The following RAB3GAP2 variants were observed in gnomAD, a reference collection of about 807,000 sequenced individuals.
The protein encoded by RAB3GAP2 is RAB3 GTPase activating non-catalytic protein subunit 2, also known as rab3 GTPase-activating protein non-catalytic subunit.
Under a neutral mutation model 185.3 loss-of-function variants are expected in RAB3GAP2, and 87 were observed. That is an observed-to-expected ratio of 0.47 (90% CI 0.39 to 0.56). The LOEUF is 0.56. Among genes scored for constraint, RAB3GAP2 ranks in the 20% least tolerant of loss-of-function variants. The pLI is 0.00. For synonymous variants in RAB3GAP2, 554 were observed against 576.1 expected (o/e 0.96, Z 0.55); for missense variants, 1,492 against 1,638.2 (o/e 0.91, Z 1.54).
chr1:220,244,311 C>G (rs555678783), intron 1 of RAB3GAP2, among the ~76,000 whole-genome samples: 1 of 151,850 alleles, frequency 6.6e-6, no homozygotes, highest in Admixed American at 6.6e-5. Flanking sequence ...TTACAACAGC[C>G]GCAAAAAAAT....
chr1:220,268,764 A>T (rs1026268013), intron 1 of RAB3GAP2, among the ~76,000 whole-genome samples: 6 of 152,222 alleles, frequency 3.9e-5, no homozygotes, highest in African/African-American at 1.4e-4. Context: ...ATAAATCTAT[A>T]GGTATAGTGC....
rs751306133 is a variant in RAB3GAP2 at position 220,210,374 on chromosome 1, A to G, written c.612+14T>C. ...ATGCCACTGTTACTGTTGGAACACAATTTTTTACACTACCTGCTCAGTCAC... is the reference window on the plus strand; with the variant it reads ...ATGCCACTGTTACTGTTGGAACACAGTTTTTTACACTACCTGCTCAGTCAC... On this transcript the variant is annotated intron_variant, in intron 7 of 34. Transcript: ENST00000358951. 6 of 1,607,890 alleles carry G rather than the reference A, an allele frequency of 3.7e-6. No homozygotes were observed. Among genetic ancestry groups the G allele is most frequent in the East Asian group, 2.2e-5 (1 of 44,846 alleles).
Position 220,150,710 on chromosome 1 carries a change from G to C in RAB3GAP2, c.*541C>G, listed in dbSNP as rs995643409. The C allele has an allele frequency of 6.4e-6, 1 of 155,366 alleles. No individual in the cohort carries two copies. Among genetic ancestry groups the C allele is most frequent in the Non-Finnish European group, 1.4e-5 (1 of 70,300 alleles). The allele number at this position is 155,366 out of a possible 1,614,324, so 9.6% of individuals were successfully genotyped here. A position where few individuals can be genotyped will look rare whatever the true frequency, so the allele number is the denominator to read the frequency against. ...CAAGCACGGTCATCCTCCTCTGATG[G>C]CAACAGCAGAACCTCTGGGAAAGGA... is the stretch of plus-strand genomic sequence containing the variant. On this transcript the variant is annotated 3_prime_UTR_variant, in exon 35 of 35. Coordinates refer to ENST00000358951, the MANE Select transcript of RAB3GAP2 (RefSeq NM_012414.4).
chr1:220,262,402 T>C (rs1036765464), intron 1 of RAB3GAP2, among the ~76,000 whole-genome samples: 1 of 152,102 alleles, frequency 6.6e-6, no homozygotes, highest in African/African-American at 2.4e-5. Flanking sequence ...GTACTCACAC[T>C]GTTGTGAAAA....
intron 2 of RAB3GAP2, among the ~76,000 whole-genome samples, chr1:220,218,837 G>C (rs1659248979): frequency 6.6e-6 from 1 of 152,024 alleles, no homozygotes; most frequent in Admixed American, 6.6e-5. Flanking sequence ...CAACCACACG[G>C]GGGAGCAGCT....
At position 220,191,070 on chromosome 1, in the gene RAB3GAP2, G is replaced by C. The variant is rs755512889; in HGVS notation, c.1485C>G (p.Cys495Trp). ...RVGAFNVGKH[C>W]RLLYPGYKIM... ...CAATGCCAGCATTTGCAGCTTACCT[G>C]CAGTGCTTCCCCACATTGAAAGCTC... Residue 495 changes from cysteine (C) to tryptophan (W), a missense_variant and splice_region_variant, in exon 14 of 35, where the codon TGC (cysteine) becomes TGG (tryptophan). This residue lies in a region of RAB3GAP2 where 681 missense variants were observed against 689.1 expected (regional missense o/e 0.99). Transcript: ENST00000358951. 6.2e-7 allele frequency: 1 copy of C among 1,612,086 alleles called. No individual in the cohort carries two copies. Among genetic ancestry groups the C allele is most frequent in the South Asian group, 1.1e-5 (1 of 91,020 alleles).
intron 1 of RAB3GAP2, chr1:220,267,124 C>T (rs1660241532): frequency 1.4e-6 from 2 of 1,389,510 alleles, no homozygotes; most frequent in Non-Finnish European, 2.0e-6. Flanking sequence ...TCCAGCTGAT[C>T]CAAGAAGTAA....
In RAB3GAP2 at chr1:220,195,101, C is replaced by A. The variant is rs752734744; in HGVS notation, c.1107G>T (p.Glu369Asp). 1 of 1,614,152 alleles carries A rather than the reference C, an allele frequency of 6.2e-7. No homozygotes were observed. The highest frequency in any genetic ancestry group is 2.2e-5 in the East Asian group (1 of 44,868). ...EAVQKQKPKV[E>D]PATPLAVRFG... is the part of the protein sequence containing the mutation. Reference sequence around the variant, plus strand: ...GCCTTACAGCTAATGGGGTAGCTGGCTCAACCTTCGGCTTTTGCTTTTGGA... The same window carrying A: ...GCCTTACAGCTAATGGGGTAGCTGGATCAACCTTCGGCTTTTGCTTTTGGA... The change falls in exon 12 of 35, where the codon GAG becomes GAT. Residue 369 changes from glutamate to aspartate, a missense_variant. This residue lies in a region of RAB3GAP2 where 243 missense variants were observed against 314.8 expected (regional missense o/e 0.77). Transcript: ENST00000358951.
intron 8 of RAB3GAP2, among the ~76,000 whole-genome samples, chr1:220,203,890 AAT>A (rs1658909007): frequency 6.6e-6 from 1 of 152,196 alleles, no homozygotes; most frequent in South Asian, 2.1e-4. Context: ...TTTTTATTGC[AAT>A]ATAAGATGCT....
chr1:220,195,226 C>G, intron 11 of RAB3GAP2, 59 bp from the exon 12 acceptor site: 1 of 1,602,832 alleles, frequency 6.2e-7, no homozygotes. Context: ...AAAGTGCAAA[C>G]TATCAAAATA....
intron 2 of RAB3GAP2, among the ~76,000 whole-genome samples, chr1:220,228,397 C>T (rs1052734663): frequency 5.9e-5 from 9 of 152,280 alleles, no homozygotes; most frequent in African/African-American, 1.2e-4. Flanking sequence ...GAGTAGATTT[C>T]TAATAGTCCT....
chr1:220,192,111 T>C (rs903256077), intron 13 of RAB3GAP2, among the ~76,000 whole-genome samples: 2 of 152,182 alleles, frequency 1.3e-5, no homozygotes, highest in Non-Finnish European at 1.5e-5. Flanking sequence ...ATTGCCATAG[T>C]GGATTTGGAG....
chr1:220,202,409 T>C, intron 8 of RAB3GAP2, 35 bp from the exon 9 acceptor site: 1 of 1,593,506 alleles, frequency 6.3e-7, no homozygotes. Context: ...CCAAACTTAT[T>C]ATGGATAAAA....
At chr1:220,261,836 A>G (rs545849713) in intron 1 of RAB3GAP2, among the ~76,000 whole-genome samples, 32 of 152,326 alleles carry the variant, frequency 2.1e-4, no homozygotes, top group African/African-American at 7.5e-4. Context: ...AATGGGTTGC[A>G]GGTGAGCCAA....
At chr1:220,181,820 G>A (rs1168741462) in intron 21 of RAB3GAP2, among the ~76,000 whole-genome samples, 1 of 151,974 alleles carries the variant, frequency 6.6e-6, no homozygotes, top group Non-Finnish European at 1.5e-5. Flanking sequence ...GCGGTCATGC[G>A]GGGAGGATTG....
intron 2 of RAB3GAP2, among the ~76,000 whole-genome samples, chr1:220,223,676 G>A (rs1659349567): frequency 6.6e-6 from 1 of 150,948 alleles, no homozygotes; most frequent in Non-Finnish European, 1.5e-5. Context: ...AAACATGGGT[G>A]GAGAGAAATA....
chr1:220,212,921 C>T lies in RAB3GAP2; in HGVS notation c.352G>A (p.Val118Ile), dbSNP rs565923324. ...ACATTTAAGGAACCACTCCAGCCAA[C>T]AGCAAATTGCATTTCTTCCTTTCCT... ...DKGKEEMQFA[V>I]GWSGSLNVEE... The change falls in exon 4 of 35, where the codon GTT becomes ATT. Residue 118 changes from valine (V) to isoleucine (I), a missense_variant. This residue lies in a region of RAB3GAP2 where 177 missense variants were observed against 160.6 expected (regional missense o/e 1.10). Transcript: ENST00000358951. The T allele has an allele frequency of 9.3e-6, 15 of 1,613,616 alleles. No individual in the cohort carries two copies. Among genetic ancestry groups the T allele is most frequent in the Middle Eastern group, 1.7e-4 (1 of 6,054 alleles).
chr1:220,255,685 C>T (rs1660022182), intron 1 of RAB3GAP2, among the ~76,000 whole-genome samples: 1 of 152,044 alleles, frequency 6.6e-6, no homozygotes. Context: ...AATCTCAGAC[C>T]TTGAAGACTA....
At chr1:220,268,609 C>T (rs1481940171) in intron 1 of RAB3GAP2, among the ~76,000 whole-genome samples, 2 of 152,198 alleles carry the variant, frequency 1.3e-5, no homozygotes, top group East Asian at 1.9e-4. Flanking sequence ...AGTCTGAGAT[C>T]ATCTGTACAG....
Sources: gnomAD v4.1 joint callset for allele counts (sites outside exome capture counted in the v4.1 genomes callset) on GRCh38, gnomAD v4.1.1 for gene constraint, gnomAD v4.1.1 regional missense constraint, MANE v1.5 for transcripts, NCBI Gene and HGNC (gene_info 2026-07-23, HGNC 2026-07-21) for gene names.